The following ZNF800 variants were observed in gnomAD, a reference collection of about 807,000 sequenced individuals.
ZNF800 encodes zinc finger protein 800.
A neutral mutation model predicts 59.5 loss-of-function variants in ZNF800; 13 were observed. The observed-to-expected ratio is 0.22, with a 90% CI of 0.14 to 0.35. ZNF800 has a LOEUF of 0.35. Ranked by LOEUF, ZNF800 falls within the 10% of genes least tolerant of loss-of-function variation. ZNF800 has a pLI of 1.00. For missense variants in ZNF800, 621 were observed against 783.7 expected, an observed-to-expected ratio of 0.79 and a Z score of 2.48; for synonymous variants, 266 against 265.7, an observed-to-expected ratio of 1.00 and a Z score of -0.01.
rs1800595404 is a variant in ZNF800, at chr7:127,370,109, T to C, written c.*1705A>G. ...GATGGCTTATAAATGAAATACCACCTACACATTTAGTTCCCTAAATATATT... is the reference window on the plus strand; with the variant it reads ...GATGGCTTATAAATGAAATACCACCCACACATTTAGTTCCCTAAATATATT... On this transcript the variant is annotated 3_prime_UTR_variant, in exon 6 of 6. Transcript: ENST00000265827. 1 of 152,184 alleles carries C rather than the reference T, an allele frequency of 6.6e-6. No homozygotes were observed. The highest frequency in any genetic ancestry group is 2.4e-5 in the African/African-American group (1 of 41,454). 9.4% of individuals were successfully genotyped at this position (152,184 alleles called of 1,614,324 possible).
intron 1 of ZNF800, among the ~76,000 whole-genome samples, chr7:127,352,935 G>T (rs1204812951): frequency 8.6e-6 from 1 of 116,842 alleles, no homozygotes; most frequent in Non-Finnish European, 1.7e-5. Context: ...ATTTTAATTA[G>T]AAATGGAAAT....
At chr7:127,363,425 A>G (rs1319524647) in intron 1 of ZNF800, 9 of 152,082 alleles carry the variant, frequency 5.9e-5, no homozygotes, top group Non-Finnish European at 1.2e-4. Flanking sequence ...AAGAGAAAGT[A>G]TTAAATTTCA....
chr7:127,344,017 A>G (rs1800014814), downstream of ZNF800, among the ~76,000 whole-genome samples: 1 of 152,032 alleles, frequency 6.6e-6, no homozygotes, highest in Non-Finnish European at 1.5e-5. Flanking sequence ...AACATTTAAA[A>G]GCTGGTAAAA....
intron 1 of ZNF800, among the ~76,000 whole-genome samples, chr7:127,348,643 A>C (rs1800116215): frequency 6.6e-6 from 1 of 152,260 alleles, no homozygotes. Context: ...ACATGTGTGT[A>C]CACACGACAC....
rs1800627783 is a variant in ZNF800 at position 127,371,391 on chromosome 7, T to C, written c.*423A>G. On this transcript the variant is annotated 3_prime_UTR_variant, in exon 6 of 6. Coordinates refer to ENST00000265827, the MANE Select transcript of ZNF800 (RefSeq NM_176814.5). ...TATCTATACAATTCAGATGAAAATG[T>C]TGCCAAATAAAGAGAAACAAAACTA... 1.3e-5 allele frequency: 2 copies of C among 156,044 alleles called. No homozygotes were observed. Among genetic ancestry groups the C allele is most frequent in the Non-Finnish European group, 2.8e-5 (2 of 70,618 alleles). 9.7% of individuals were successfully genotyped at this position (156,044 alleles called of 1,614,324 possible). A position where few individuals can be genotyped will look rare whatever the true frequency, so the allele number is the denominator to read the frequency against.
intron 2 of ZNF800, among the ~76,000 whole-genome samples, chr7:127,389,142 A>C (rs189708559): frequency 3.3e-5 from 5 of 152,272 alleles, no homozygotes; most frequent in Admixed American, 3.3e-4. Flanking sequence ...GGACTTGCTT[A>C]CAAATATTAG....
intron 1 of ZNF800, among the ~76,000 whole-genome samples, chr7:127,359,068 CACA>C (rs1236569166): frequency 6.6e-6 from 1 of 152,140 alleles, no homozygotes; most frequent in Non-Finnish European, 1.5e-5. Flanking sequence ...TCATTTCAAA[CACA>C]ACTAGTCTTA....
At position 127,392,291 on chromosome 7, in the gene ZNF800, G is replaced by A. The variant is rs575483712; in HGVS notation, c.-290C>T. 136 of 389,644 alleles carry A rather than the reference G, an allele frequency of 3.5e-4. No individual in the cohort carries two copies. In the East Asian group the frequency reaches 4.3e-3, roughly 12 times the overall value. 24.1% of individuals were successfully genotyped at this position (389,644 alleles called of 1,614,324 possible). ...CTCCGCGGGCCGAGACGACTGCGGC[G>A]GCGGCTCACGGCGTCCTCCGCGCTG... On this transcript the variant is annotated 5_prime_UTR_variant, in exon 1 of 6. Coordinates refer to ENST00000265827, the MANE Select transcript of ZNF800 (RefSeq NM_176814.5).
At chr7:127,369,201 G>A (rs1440379023), downstream of ZNF800, among the ~76,000 whole-genome samples, 1 of 152,098 alleles carries the variant, frequency 6.6e-6, no homozygotes, top group Non-Finnish European at 1.5e-5. Flanking sequence ...AGGAATGGAA[G>A]GCATCTTTAG....
Position 127,375,042 on chromosome 7 carries a change from G to A in ZNF800, c.302-8C>T. ...CATTTACATCAGGAAGGTCTGTTAAGGAAAAAACAACATTTTAATCTGAAG... is the reference window on the plus strand; with the variant it reads ...CATTTACATCAGGAAGGTCTGTTAAAGAAAAAACAACATTTTAATCTGAAG... On this transcript the variant is annotated splice_polypyrimidine_tract_variant and splice_region_variant and intron_variant, in intron 4 of 5. Transcript: ENST00000265827. The A allele has an allele frequency of 6.5e-7, 1 of 1,529,428 alleles. No individual in the cohort carries two copies. Among genetic ancestry groups the A allele is most frequent in the Non-Finnish European group, 8.7e-7 (1 of 1,144,708 alleles). The allele number at this position is 1,529,428 out of a possible 1,614,324, so 94.7% of individuals were successfully genotyped here. A position where few individuals can be genotyped will look rare whatever the true frequency, so the allele number is the denominator to read the frequency against.
intron 1 of ZNF800, chr7:127,360,503 C>T (rs1339594745): frequency 6.6e-6 from 1 of 152,056 alleles, no homozygotes; most frequent in Non-Finnish European, 1.5e-5. Context: ...AATAATCTCT[C>T]CTACAGAAAA....
intron 3 of ZNF800, among the ~76,000 whole-genome samples, chr7:127,385,733 T>C (rs1362095454): frequency 6.6e-6 from 1 of 152,088 alleles, no homozygotes; most frequent in African/African-American, 2.4e-5. Context: ...TTACTGCCTT[T>C]TGAGAGTTTA....
At chr7:127,382,039 A>C (rs1010198318) in intron 3 of ZNF800, among the ~76,000 whole-genome samples, 1 of 152,152 alleles carries the variant, frequency 6.6e-6, no homozygotes. Context: ...TTAAAGTTAC[A>C]ATTTATTCCT....
At chr7:127,354,047 T>C (rs1177583345) in intron 1 of ZNF800, among the ~76,000 whole-genome samples, 1 of 152,162 alleles carries the variant, frequency 6.6e-6, no homozygotes, top group Non-Finnish European at 1.5e-5. Flanking sequence ...TTTAACATCA[T>C]TGCTTCTCAC....
At chr7:127,363,669 T>A (rs1800442153) in intron 1 of ZNF800, 1 of 150,728 alleles carries the variant, frequency 6.6e-6, no homozygotes, top group Non-Finnish European at 1.5e-5. Flanking sequence ...TAAGATTAAA[T>A]AAAATGATGC....
chr7:127,379,859 C>CCACACA (rs1414582836), intron 3 of ZNF800, among the ~76,000 whole-genome samples: 2 of 78,950 alleles, frequency 2.5e-5, no homozygotes, highest in Non-Finnish European at 5.1e-5. Context: ...CCCACCCCCC[C>CCACACA]CACACACACA....
intron 4 of ZNF800, 76 bp from the exon 5 acceptor site, chr7:127,375,110 T>A (rs937056676): frequency 4.5e-5 from 55 of 1,211,048 alleles, no homozygotes; most frequent in Middle Eastern, 4.9e-4. Context: ...AGATATATTA[T>A]GAACCTCTAT....
intron 1 of ZNF800, chr7:127,361,709 G>C (rs905312444): frequency 2.6e-5 from 4 of 152,134 alleles, no homozygotes; most frequent in African/African-American, 9.7e-5. Flanking sequence ...CTCAAGTGTA[G>C]ATGGCTGAAT....
intron 3 of ZNF800, among the ~76,000 whole-genome samples, chr7:127,384,227 C>CTTTTTT (rs577977623): frequency 0.014 from 863 of 63,312 alleles, 168 homozygotes; most frequent in Non-Finnish European, 0.015. Flanking sequence ...ATTCTAACTT[C>CTTTTTT]TTTTTTTTTT....
Sources: gnomAD v4.1 joint callset for allele counts (sites outside exome capture counted in the v4.1 genomes callset) on GRCh38, gnomAD v4.1.1 for gene constraint, MANE v1.5 for transcripts, NCBI Gene and HGNC (gene_info 2026-07-23, HGNC 2026-07-21) for gene names.